The following CAPN13 variants were observed in gnomAD, a reference collection of about 807,000 sequenced individuals.
The protein encoded by CAPN13 is calpain-13.
A neutral mutation model predicts 98.4 loss-of-function variants in CAPN13; 90 were observed. That is an observed-to-expected ratio of 0.92 (90% CI 0.77 to 1.09). CAPN13 has a LOEUF of 1.09. Among genes scored for constraint, CAPN13 ranks in the 50% least tolerant of loss-of-function variants. The pLI is 0.00. For missense variants in CAPN13, 887 were observed against 841.3 expected, an observed-to-expected ratio of 1.05 and a Z score of -0.67; for synonymous variants, 330 against 305.5, an observed-to-expected ratio of 1.08 and a Z score of -0.84.
rs777507466 is a variant in CAPN13 at position 30,754,342 on chromosome 2, A to G, written c.889T>C (p.Cys297Arg). ...SDGSQEWEET[C>R]DPRKSQLHKK... ...TGTAGCTGGCTTTTCCGCGGATCACAGGTTTCCTCCCACTCCTGAGACCTG... is the reference window on the plus strand; with the variant it reads ...TGTAGCTGGCTTTTCCGCGGATCACGGGTTTCCTCCCACTCCTGAGACCTG... The change falls in exon 9 of 23, where the codon TGT (cysteine) becomes CGT (arginine). Residue 297 changes from cysteine to arginine, a missense_variant. Physicochemically the swap from Cys to Arg is radical, Grantham distance 180. Coordinates refer to ENST00000295055, the MANE Select transcript of CAPN13 (RefSeq NM_144575.3). 3.1e-6 allele frequency: 5 copies of G among 1,605,868 alleles called. No individual in the cohort carries two copies. The highest frequency in any genetic ancestry group is 4.2e-6 in the Non-Finnish European group (5 of 1,176,654).
intron 4 of CAPN13, among the ~76,000 whole-genome samples, chr2:30,773,339 A>T (rs1465480961): frequency 2.0e-5 from 3 of 151,098 alleles, no homozygotes; most frequent in African/African-American, 7.4e-5. Context: ...AAACTCTCAC[A>T]TATTCTGAGG....
In CAPN13 at chr2:30,732,429, G is replaced by T. The variant is rs935910307; in HGVS notation, c.1927+9C>A. The T allele has an allele frequency of 1.7e-5, 28 of 1,612,928 alleles. No individual in the cohort carries two copies. Among genetic ancestry groups the T allele is most frequent in the Non-Finnish European group, 2.2e-5 (26 of 1,179,810 alleles). On this transcript the variant is annotated intron_variant, in intron 20 of 22. Transcript: ENST00000295055. ...CAAGGTCTCTGGGATGCCCCTTGGGGACACTTACTTGCCATGGCTTCAAGC... is the reference window on the plus strand; with the variant it reads ...CAAGGTCTCTGGGATGCCCCTTGGGTACACTTACTTGCCATGGCTTCAAGC...
chr2:30,743,541 C>G lies in CAPN13; in HGVS notation c.1287G>C (p.Ser429=), dbSNP rs752920214. ...REKFPPVFFS[S]FRNTVQSSNN... ...TTGAGCTTTGGACAGTGTTTCTGAA[C>G]GAGGAAAAAAACACGGGTGGAAATT... The change falls in exon 13 of 23, where the codon TCG becomes TCC. Residue 429 remains serine, a synonymous_variant. Transcript: ENST00000295055. 1 of 1,613,642 alleles carries G rather than the reference C, an allele frequency of 6.2e-7. No homozygotes were observed. The highest frequency in any genetic ancestry group is 1.7e-5 in the Admixed American group (1 of 59,984).
rs780612261 is a variant in CAPN13 at position 30,738,301 on chromosome 2, G to A, written c.1595-8C>T. On this transcript the variant is annotated splice_polypyrimidine_tract_variant and splice_region_variant and intron_variant, in intron 16 of 22. Transcript: ENST00000295055. ...ACATGTCCCCTGGAGGTCCTGAGGA[G>A]AGAAGGACAGGAAGGACTGAAGTGT... 2.3e-5 allele frequency: 37 copies of A among 1,613,956 alleles called. No homozygotes were observed. The highest frequency in any genetic ancestry group is 3.0e-5 in the Non-Finnish European group (35 of 1,179,862).
chr2:30,754,386 A>G (rs1672331687), intron 8 of CAPN13, 22 bp from the exon 9 acceptor site: 2 of 1,581,310 alleles, frequency 1.3e-6, no homozygotes, highest in Admixed American at 3.7e-5. Flanking sequence ...CACACAAACC[A>G]CAGGGTGAGA....
intron 1 of CAPN13, among the ~76,000 whole-genome samples, chr2:30,800,799 T>A (rs777652526): frequency 1.3e-5 from 2 of 152,162 alleles, no homozygotes; most frequent in African/African-American, 2.4e-5. Context: ...TTCCCCTCCC[T>A]AGAGCATTTG....
intron 12 of CAPN13, among the ~76,000 whole-genome samples, chr2:30,744,347 C>T (rs1196813663): frequency 6.6e-6 from 1 of 152,160 alleles, no homozygotes; most frequent in African/African-American, 2.4e-5. Context: ...GGAGATAGGC[C>T]ACTGCCCCAG....
intron 11 of CAPN13, 130 bp from the exon 12 acceptor site, chr2:30,745,864 A>G: frequency 1.6e-6 from 1 of 620,224 alleles, no homozygotes; most frequent in South Asian, 2.3e-5. Flanking sequence ...CTTTTAAAGA[A>G]TTTATTTTAT....
intron 4 of CAPN13, among the ~76,000 whole-genome samples, chr2:30,775,462 C>T (rs1458677719): frequency 1.3e-5 from 2 of 151,332 alleles, no homozygotes; most frequent in Admixed American, 6.6e-5. Flanking sequence ...ATCACAGTGG[C>T]TTTTTTTAAA....
At chr2:30,733,069 G>A (rs905543992) in intron 19 of CAPN13, among the ~76,000 whole-genome samples, 13 of 152,176 alleles carry the variant, frequency 8.5e-5, no homozygotes, top group African/African-American at 2.7e-4. Flanking sequence ...GGTGGCCTCA[G>A]GCAGGCAGGA....
In CAPN13 at chr2:30,748,798, C is replaced by T. The variant is rs149876319; in HGVS notation, c.1236+2305G>A. 3.3e-3 allele frequency among the ~76,000 whole-genome samples: 506 copies of T among 152,208 alleles called. 1 individual carries two copies. Among genetic ancestry groups the T allele is most frequent in the African/African-American group, 0.012 (479 of 41,512 alleles). ...AAGAGATATTCTTTGATATCATCAG[C>T]GGGTTTGAGGCACCTCAAAACTACT... On this transcript the variant is annotated intron_variant, in intron 11 of 22. Coordinates refer to ENST00000295055, the MANE Select transcript of CAPN13 (RefSeq NM_144575.3).
chr2:30,767,137 A>T (rs770246126), intron 5 of CAPN13, among the ~76,000 whole-genome samples: 1 of 152,232 alleles, frequency 6.6e-6, no homozygotes, highest in African/African-American at 2.4e-5. Context: ...CCTCATCTGC[A>T]TGTGATCTTG....
chr2:30,732,023 C>T (rs1572779964), intron 20 of CAPN13, among the ~76,000 whole-genome samples: 1 of 152,168 alleles, frequency 6.6e-6, no homozygotes, highest in African/African-American at 2.4e-5. Flanking sequence ...GTGGAAACTT[C>T]GGCCCACACA....
At chr2:30,806,251 C>G (rs1177448253) in intron 1 of CAPN13, 1 of 152,166 alleles carries the variant, frequency 6.6e-6, no homozygotes, top group African/African-American at 2.4e-5. Context: ...ACTCACCGGT[C>G]CCTCACTTTT....
At chr2:30,731,315 C>A (rs777383923) in intron 21 of CAPN13, 29 bp downstream of exon 21, 1 of 1,588,990 alleles carries the variant, frequency 6.3e-7, no homozygotes, top group East Asian at 2.3e-5. Flanking sequence ...TGGGACTGTG[C>A]CTGCCCCGGG....
At chr2:30,736,983 C>T (rs1200298496) in intron 17 of CAPN13, among the ~76,000 whole-genome samples, 4 of 152,132 alleles carry the variant, frequency 2.6e-5, no homozygotes, top group African/African-American at 9.7e-5. Flanking sequence ...GAATGCATCT[C>T]GTGGGCATGT....
intron 22 of CAPN13, 22 bp downstream of exon 22, chr2:30,730,708 C>T (rs538002071): frequency 6.4e-6 from 5 of 780,162 alleles, no homozygotes; most frequent in Non-Finnish European, 1.2e-5. Flanking sequence ...GAGGGAAAGA[C>T]TCCAAAGCTA....
chr2:30,764,449 G>T, intron 5 of CAPN13, 143 bp from the exon 6 acceptor site: 2 of 836,858 alleles, frequency 2.4e-6, no homozygotes, highest in Non-Finnish European at 3.7e-6. Flanking sequence ...CCTCCCCTTT[G>T]CCTGGATGGA....
intron 11 of CAPN13, 62 bp from the exon 12 acceptor site, chr2:30,745,796 A>T: frequency 6.8e-7 from 1 of 1,461,822 alleles, no homozygotes; most frequent in Non-Finnish European, 9.4e-7. Flanking sequence ...AGGCAAGCAG[A>T]ACCGAACAGC....
Sources: gnomAD v4.1 joint callset for allele counts (sites outside exome capture counted in the v4.1 genomes callset) on GRCh38, gnomAD v4.1.1 for gene constraint, MANE v1.5 for transcripts, NCBI Gene and HGNC (gene_info 2026-07-23, HGNC 2026-07-21) for gene names.